AFDN: variants seen among roughly 807,000 people sequenced by gnomAD.
The protein encoded by AFDN is afadin, adherens junction formation factor.
A neutral mutation model predicts 216.6 loss-of-function variants in AFDN; 68 were observed. That is an observed-to-expected ratio of 0.31 (90% CI 0.26 to 0.38). AFDN has a LOEUF of 0.38. Among genes scored for constraint, AFDN ranks in the 10% least tolerant of loss-of-function variants. The pLI is 1.00. For missense variants in AFDN, 2,136 were observed against 2,342.0 expected, an observed-to-expected ratio of 0.91 and a Z score of 1.82; for synonymous variants, 868 against 853.7, an observed-to-expected ratio of 1.02 and a Z score of -0.29.
intron 30 of AFDN, among the ~76,000 whole-genome samples, chr6:167,959,059 A>G (rs1175792696): frequency 6.6e-6 from 1 of 152,252 alleles, no homozygotes; most frequent in East Asian, 1.9e-4. Context: ...AGTTTGTATG[A>G]TTGCGTAAAA....
At chr6:167,863,517 A>G (rs551348594) in intron 1 of AFDN, among the ~76,000 whole-genome samples, 2 of 152,236 alleles carry the variant, frequency 1.3e-5, no homozygotes, top group Non-Finnish European at 2.9e-5. Flanking sequence ...CTTAGTTTGA[A>G]CAGGACTTTG....
intron 1 of AFDN, among the ~76,000 whole-genome samples, chr6:167,849,120 T>C (rs565685956): frequency 6.6e-6 from 1 of 151,066 alleles, no homozygotes; most frequent in Non-Finnish European, 1.5e-5. Flanking sequence ...GGAACAGTAA[T>C]AATACCTACC....
intron 30 of AFDN, among the ~76,000 whole-genome samples, chr6:167,957,645 G>A (rs1796655882): frequency 6.6e-6 from 1 of 152,170 alleles, no homozygotes; most frequent in Admixed American, 6.5e-5. Context: ...CAGGACACCT[G>A]GAATTCGTCA....
In AFDN at chr6:167,943,397, C is replaced by T; in HGVS notation, c.3166-5C>T. On this transcript the variant is annotated splice_region_variant and splice_polypyrimidine_tract_variant and intron_variant, in intron 24 of 33. Transcript: ENST00000683244. ...ATCCATGCACACACCTGTGGATTTG[C>T]CTAGGATGGACGTCTAGCTGCAGGT... 6.2e-7 allele frequency: 1 copy of T among 1,613,864 alleles called. No homozygotes were observed. Among genetic ancestry groups the T allele is most frequent in the Non-Finnish European group, 8.5e-7 (1 of 1,179,756 alleles).
At chr6:167,968,229 C>T (rs1259874204) in intron 32 of AFDN, among the ~76,000 whole-genome samples, 3 of 152,070 alleles carry the variant, frequency 2.0e-5, no homozygotes, top group East Asian at 1.9e-4. Context: ...TCTAAAGGCC[C>T]GCTATAAATT....
chr6:167,960,340 G>C lies in AFDN; in HGVS notation c.4834-2093G>C, dbSNP rs577959013. Among the ~76,000 whole-genome samples, 51 of 152,326 alleles carry C rather than the reference G, an allele frequency of 3.3e-4. No individual in the cohort carries two copies. In the South Asian group the frequency reaches 0.011, roughly 32 times the overall value. On this transcript the variant is annotated intron_variant, in intron 30 of 33. Transcript: ENST00000683244. ...CCTTGCTGACCGCATTCCAGATTTA[G>C]AAGAATAGAGGTTTTTAAGAAGAAA... is the stretch of plus-strand genomic sequence containing the variant.
In AFDN at chr6:167,902,310, C is replaced by A; in HGVS notation, c.1581-7C>A. ...AAGTCAGTGTGTTTCTTGTTTTATC[C>A]CATCAGAATTGTTCAGGAGACAACT... On this transcript the variant is annotated splice_polypyrimidine_tract_variant and splice_region_variant and intron_variant, in intron 11 of 33. Transcript: ENST00000683244. 1 of 1,604,978 alleles carries A rather than the reference C, an allele frequency of 6.2e-7. No homozygotes were observed. Among genetic ancestry groups the A allele is most frequent in the South Asian group, 1.1e-5 (1 of 90,710 alleles).
At chr6:167,964,412 G>T in intron 31 of AFDN, 10 of 1,064,994 alleles carry the variant, frequency 9.4e-6, no homozygotes, top group Non-Finnish European at 1.0e-5. Context: ...AAAGCCACAA[G>T]AAGTCATTCT....
intron 1 of AFDN, among the ~76,000 whole-genome samples, chr6:167,851,181 A>G (rs1385668599): frequency 2.0e-5 from 3 of 152,158 alleles, no homozygotes; most frequent in African/African-American, 7.2e-5. Context: ...GATCTTTAAT[A>G]TATACTCTGT....
intron 1 of AFDN, among the ~76,000 whole-genome samples, chr6:167,832,557 A>T (rs1329066519): frequency 6.6e-6 from 1 of 152,214 alleles, no homozygotes; most frequent in Admixed American, 6.5e-5. Flanking sequence ...TTTAATTTAG[A>T]AAGTGAATGT....
chr6:167,914,468 A>G (rs1016490232), intron 17 of AFDN, among the ~76,000 whole-genome samples, 155 bp downstream of exon 17: 2 of 152,194 alleles, frequency 1.3e-5, no homozygotes, highest in African/African-American at 4.8e-5. Context: ...TTAACTACCT[A>G]TAGTTATATC....
chr6:167,923,040 C>T, intron 22 of AFDN, 81 bp downstream of exon 22: 2 of 976,040 alleles, frequency 2.0e-6, no homozygotes, highest in Non-Finnish European at 3.2e-6. Context: ...CTTTCTTACA[C>T]TGAAGATTGG....
chr6:167,847,039 C>T (rs994348020), intron 1 of AFDN, among the ~76,000 whole-genome samples: 6 of 152,092 alleles, frequency 3.9e-5, no homozygotes, highest in African/African-American at 7.2e-5. Flanking sequence ...AATTTTAGAA[C>T]GCTTTTCATT....
Position 167,969,177 on chromosome 6 carries a change from C to T in AFDN, c.5321C>T (p.Ala1774Val). The T allele has an allele frequency of 4.3e-6, 7 of 1,613,860 alleles. No homozygotes were observed. Among genetic ancestry groups the T allele is most frequent in the Non-Finnish European group, 5.9e-6 (7 of 1,179,810 alleles). ...GGAGCCCATGACGCCTGTCGGGATG[C>T]AAAAGAGAAGCGCTCTAAAAGGTAT... ...AVGAHDACRDAKEKRSKSQDA... is the reference protein window; with the variant it reads ...AVGAHDACRDVKEKRSKSQDA... Residue 1774 changes from alanine (A) to valine (V), a missense_variant, in exon 33 of 34, where the codon GCA becomes GTA. Transcript: ENST00000683244.
chr6:167,934,250 G>A (rs1250938580), intron 23 of AFDN, among the ~76,000 whole-genome samples: 3 of 152,092 alleles, frequency 2.0e-5, no homozygotes, highest in Non-Finnish European at 4.4e-5. Context: ...AAGCATAAAC[G>A]AAACCCAGAG....
At chr6:167,911,742 T>G (rs570571150) in intron 15 of AFDN, 4 of 479,014 alleles carry the variant, frequency 8.4e-6, no homozygotes, top group African/African-American at 7.7e-5. Flanking sequence ...GAGAAAGTGC[T>G]GAGACTGTTG....
intron 4 of AFDN, among the ~76,000 whole-genome samples, chr6:167,874,498 A>G (rs1426565886): frequency 6.6e-6 from 1 of 152,126 alleles, no homozygotes; most frequent in Non-Finnish European, 1.5e-5. Context: ...CTGTTGGAGC[A>G]ATTAATTCTT....
Position 167,970,913 on chromosome 6 carries a change from A to G in AFDN, c.*978A>G, listed in dbSNP as rs554488405. On this transcript the variant is annotated 3_prime_UTR_variant, in exon 34 of 34. Transcript: ENST00000683244. ...ATTTTCATCTGTATGCCGTCAAGGAAGGAATTCAGTTACAGGGCATCTGTA... is the reference window on the plus strand; with the variant it reads ...ATTTTCATCTGTATGCCGTCAAGGAGGGAATTCAGTTACAGGGCATCTGTA... 6 of 213,004 alleles carry G rather than the reference A, an allele frequency of 2.8e-5. No homozygotes were observed. In the East Asian group the frequency reaches 3.5e-4, roughly 13 times the overall value. The allele number at this position is 213,004 out of a possible 1,614,324, so 13.2% of individuals were successfully genotyped here. A position where few individuals can be genotyped will look rare whatever the true frequency, so the allele number is the denominator to read the frequency against.
At position 167,903,725 on chromosome 6, in the gene AFDN, C is replaced by T. The variant is rs186339038; in HGVS notation, c.1650+1339C>T. 4.3e-4 allele frequency among the ~76,000 whole-genome samples: 65 copies of T among 151,764 alleles called. No individual in the cohort carries two copies. The East Asian group carries it at 0.012, about 28-fold the overall frequency. On this transcript the variant is annotated intron_variant, in intron 12 of 33. Coordinates refer to ENST00000683244, the MANE Select transcript of AFDN (RefSeq NM_001386888.1). ...TCTACTCCTGTTTGCTACACAGCTTCTTGGGGAAAAAAAAATCATCTATGC... is the reference window on the plus strand; with the variant it reads ...TCTACTCCTGTTTGCTACACAGCTTTTTGGGGAAAAAAAAATCATCTATGC...
Sources: allele counts gnomAD v4.1 joint callset (sites outside exome capture counted in the v4.1 genomes callset), GRCh38; gene constraint gnomAD v4.1.1; transcripts MANE v1.5; gene names NCBI Gene and HGNC (gene_info 2026-07-23, HGNC 2026-07-21).